Variants in PRKG1 observed in about 807,000 individuals in gnomAD.
PRKG1 encodes protein kinase cGMP-dependent 1, also known as cGMP-dependent protein kinase 1.
A neutral mutation model predicts 88.1 loss-of-function variants in PRKG1; 35 were observed. The ratio of observed to expected loss-of-function variants is 0.40; its 90% CI spans 0.30 to 0.53. The LOEUF is 0.53. Ranked by LOEUF, PRKG1 falls within the 20% of genes least tolerant of loss-of-function variation. PRKG1 has a pLI of 0.59. For synonymous variants in PRKG1, 303 were observed against 292.5 expected (o/e 1.04, Z -0.37); for missense variants, 540 against 839.8 (o/e 0.64, Z 4.41).
rs954397977 is a variant in PRKG1, at chr10:52,294,122, G to A, written c.*222G>A. On this transcript the variant is annotated 3_prime_UTR_variant, in exon 18 of 18. Transcript: ENST00000373980. ...TGAACCTAAAATAGCAGTTGACATG[G>A]TGGTCCTGAAGCAAAGCCTTTCACC... 1.8e-5 allele frequency: 8 copies of A among 438,048 alleles called. No individual in the cohort carries two copies. Among genetic ancestry groups the A allele is most frequent in the South Asian group, 9.2e-5 (2 of 21,818 alleles). The allele number at this position is 438,048 out of a possible 1,614,324, so 27.1% of individuals were successfully genotyped here.
chr10:52,106,021 C>G (rs1453708005), intron 7 of PRKG1, among the ~76,000 whole-genome samples: 1 of 152,106 alleles, frequency 6.6e-6, no homozygotes, highest in African/African-American at 2.4e-5. Flanking sequence ...CTTCTTATGC[C>G]TTTGCATCCT....
At chr10:51,681,430 A>G (rs1374099643) in intron 3 of PRKG1, among the ~76,000 whole-genome samples, 2 of 152,198 alleles carry the variant, frequency 1.3e-5, no homozygotes, top group Non-Finnish European at 2.9e-5. Context: ...AATATTATTC[A>G]AAACATGACT....
intron 2 of PRKG1, among the ~76,000 whole-genome samples, chr10:51,279,341 C>G (rs1012211227): frequency 3.3e-5 from 5 of 152,154 alleles, no homozygotes; most frequent in African/African-American, 4.8e-5. Flanking sequence ...AATTTCTGTT[C>G]TTTTTCATTT....
chr10:51,016,673 C>CTTTTTTTTTTTTCTTTTTTTTTTTTTTTT (rs1843067973), intron 1 of PRKG1, among the ~76,000 whole-genome samples: 2 of 35,184 alleles, frequency 5.7e-5, no homozygotes, highest in African/African-American at 1.4e-4. Context: ...ATTATCCTTT[C>CTTTTTTTTTTTTCTTTTTTTTTTTTTTTT]TTTTTTTTTT....
At chr10:51,777,847 T>C (rs1838481325) in intron 3 of PRKG1, among the ~76,000 whole-genome samples, 1 of 152,204 alleles carries the variant, frequency 6.6e-6, no homozygotes, top group African/African-American at 2.4e-5. Context: ...TATACTGTAG[T>C]TGGAATTGTA....
At chr10:51,037,050 T>C (rs973254648) in intron 1 of PRKG1, among the ~76,000 whole-genome samples, 32 of 152,286 alleles carry the variant, frequency 2.1e-4, no homozygotes, top group Admixed American at 1.9e-3. Flanking sequence ...GGATGATTAA[T>C]TTAGAAAGTG....
At chr10:52,273,893 A>G (rs1374014805) in intron 12 of PRKG1, among the ~76,000 whole-genome samples, 1 of 152,118 alleles carries the variant, frequency 6.6e-6, no homozygotes, top group Non-Finnish European at 1.5e-5. Context: ...CTCTCTCCTC[A>G]GAATGTATAG....
At chr10:52,234,248 C>G (rs1332679887) in intron 9 of PRKG1, among the ~76,000 whole-genome samples, 1 of 152,170 alleles carries the variant, frequency 6.6e-6, no homozygotes, top group African/African-American at 2.4e-5. Flanking sequence ...AACTCTAAAA[C>G]GCAGAGTGTC....
At chr10:51,279,106 C>T (rs1840217233) in intron 2 of PRKG1, among the ~76,000 whole-genome samples, 1 of 152,148 alleles carries the variant, frequency 6.6e-6, no homozygotes, top group South Asian at 2.1e-4. Flanking sequence ...CTATAAGTTT[C>T]CCTCTACACA....
At chr10:51,113,049 T>C (rs1430668425) in intron 1 of PRKG1, among the ~76,000 whole-genome samples, 1 of 152,206 alleles carries the variant, frequency 6.6e-6, no homozygotes, top group Admixed American at 6.5e-5. Flanking sequence ...GCTGATGACA[T>C]GGAACAATGA....
chr10:52,257,124 C>T (rs960045384), intron 10 of PRKG1, among the ~76,000 whole-genome samples: 1 of 139,296 alleles, frequency 7.2e-6, no homozygotes, highest in Non-Finnish European at 1.6e-5. Context: ...TCCTTCTCTG[C>T]TGCAGTTCAG....
At chr10:51,319,237 CT>C (rs1841396073) in intron 2 of PRKG1, among the ~76,000 whole-genome samples, 1 of 152,190 alleles carries the variant, frequency 6.6e-6, no homozygotes, top group African/African-American at 2.4e-5. Flanking sequence ...TCAGTGCTCT[CT>C]TTTCTGCTTC....
intron 10 of PRKG1, among the ~76,000 whole-genome samples, chr10:52,263,578 A>AT (rs60167378): frequency 0.062 from 8,753 of 140,398 alleles, 334 homozygotes; most frequent in South Asian, 0.18. Context: ...AATCTCCAGG[A>AT]TTTTTTTTTT....
At chr10:51,531,744 G>A (rs1255399816) in intron 3 of PRKG1, among the ~76,000 whole-genome samples, 2 of 137,124 alleles carry the variant, frequency 1.5e-5, no homozygotes, top group Admixed American at 8.2e-5. Flanking sequence ...TCCTGGGTTC[G>A]AGTGATTCTC....
chr10:52,001,556 G>A (rs1844600102), intron 5 of PRKG1, among the ~76,000 whole-genome samples: 1 of 151,618 alleles, frequency 6.6e-6, no homozygotes, highest in Non-Finnish European at 1.5e-5. Flanking sequence ...ATAGATGAGG[G>A]ATTTTTTTTC....
intron 8 of PRKG1, among the ~76,000 whole-genome samples, chr10:52,158,468 A>C (rs1838185609): frequency 6.6e-6 from 1 of 151,658 alleles, no homozygotes; most frequent in Admixed American, 6.6e-5. Context: ...AGGAAAAATG[A>C]AACACTAATT....
intron 2 of PRKG1, among the ~76,000 whole-genome samples, chr10:51,369,992 C>G (rs1337957443): frequency 1.3e-5 from 2 of 152,158 alleles, no homozygotes; most frequent in East Asian, 1.9e-4. Flanking sequence ...CAAGCCAGCT[C>G]AAGCCACTCA....
chr10:51,085,636 A>G (rs1240373101), intron 1 of PRKG1, among the ~76,000 whole-genome samples: 3 of 152,182 alleles, frequency 2.0e-5, no homozygotes, highest in East Asian at 1.9e-4. Context: ...AGATCGATTC[A>G]GTGAGTTCCT....
chr10:51,033,136 A>G (rs943475843), intron 1 of PRKG1, among the ~76,000 whole-genome samples: 1 of 152,034 alleles, frequency 6.6e-6, no homozygotes, highest in Admixed American at 6.6e-5. Context: ...TCCAGACATA[A>G]CTACAGTTCT....
Sources: gnomAD v4.1 joint callset for allele counts (sites outside exome capture counted in the v4.1 genomes callset) on GRCh38, gnomAD v4.1.1 for gene constraint, MANE v1.5 for transcripts, NCBI Gene and HGNC (gene_info 2026-07-23, HGNC 2026-07-21) for gene names.